The following ZNF783 variants were observed in gnomAD, a reference collection of about 807,000 sequenced individuals.
The protein encoded by ZNF783 is protein ZNF783.
In ZNF783, 25 loss-of-function variants were observed where a neutral mutation model predicts 31.3. That is an observed-to-expected ratio of 0.80 (90% confidence interval 0.58 to 1.11). The LOEUF is 1.11. Among genes scored for constraint, ZNF783 ranks in the 50% most tolerant of loss-of-function variants. The probability of loss-of-function intolerance (pLI) is 0.00; values close to 1 mark genes in which losing one functional copy is unlikely to be tolerated. For synonymous variants in ZNF783, 369 were observed against 319.1 expected, an observed-to-expected ratio of 1.16 and a Z score of -1.66; for missense variants, 797 against 760.0, an observed-to-expected ratio of 1.05 and a Z score of -0.57.
intron 1 of ZNF783, among the ~76,000 whole-genome samples, chr7:149,263,162 C>G (rs1796976087): frequency 6.6e-6 from 1 of 151,816 alleles, no homozygotes; most frequent in South Asian, 2.1e-4. Flanking sequence ...CCCCTGACCT[C>G]GTGATCTGCC....
In ZNF783 at chr7:149,281,524, G is replaced by A. The variant is rs779020314; in HGVS notation, c.822G>A (p.Lys274=). 3 of 1,455,340 alleles carry A rather than the reference G, an allele frequency of 2.1e-6. No homozygotes were observed. Among genetic ancestry groups the A allele is most frequent in the East Asian group, 5.2e-5 (2 of 38,748 alleles). The allele number at this position is 1,455,340 out of a possible 1,614,324, so 90.2% of individuals were successfully genotyped here. A position where few individuals can be genotyped will look rare whatever the true frequency, so the allele number is the denominator to read the frequency against. ...GPEAGGGVAI[K]TEAQSEDEMT... The stretch of plus-strand genomic sequence containing the variant: ...TGCCAGGTGGTGGTGTGGCCATCAA[G>A]ACAGAGGCACAGTCTGAAGACGAGA... The change falls in exon 6 of 6, where the codon AAG becomes AAA. Residue 274 remains lysine, a synonymous_variant. Transcript: ENST00000434415.
Position 149,266,744 on chromosome 7 carries a change from A to T in ZNF783, c.420+14A>T. On this transcript the variant is annotated intron_variant, in intron 2 of 5. Coordinates refer to ENST00000434415, the MANE Select transcript of ZNF783 (RefSeq NM_001195220.2). ...GAGGCCCCCAAGGTAGCACCGGGAC[A>T]CCCTGGGGTGGGGGAGCTCGAGGGG... The T allele has an allele frequency of 6.2e-7, 1 of 1,613,328 alleles. No individual in the cohort carries two copies. Among genetic ancestry groups the T allele is most frequent in the East Asian group, 2.2e-5 (1 of 44,864 alleles).
At chr7:149,264,464 T>C (rs970704264) in intron 1 of ZNF783, among the ~76,000 whole-genome samples, 5 of 151,978 alleles carry the variant, frequency 3.3e-5, no homozygotes, top group Non-Finnish European at 7.4e-5. Context: ...TGGCTCAAGG[T>C]CAAGAGAGGT....
rs1797102550 is a variant in ZNF783, at chr7:149,267,282, A to G, written c.673+60A>G. 15 of 1,525,534 alleles carry G rather than the reference A, an allele frequency of 9.8e-6. No homozygotes were observed. In the South Asian group the frequency reaches 2.0e-4, roughly 20 times the overall value. The allele number at this position is 1,525,534 out of a possible 1,614,324, so 94.5% of individuals were successfully genotyped here. A position where few individuals can be genotyped will look rare whatever the true frequency, so the allele number is the denominator to read the frequency against. On this transcript the variant is annotated intron_variant, in intron 4 of 5. Transcript: ENST00000434415. ...CCAGGGGCTAGCTGCACCATCGCCT[A>G]CCCTCTCGGGCTTCCCAGACAATCA...
In ZNF783 at chr7:149,266,750, G is replaced by T. The variant is rs1797081345; in HGVS notation, c.420+20G>T. On this transcript the variant is annotated intron_variant, in intron 2 of 5. Coordinates refer to ENST00000434415, the MANE Select transcript of ZNF783 (RefSeq NM_001195220.2). ...CCCAAGGTAGCACCGGGACACCCTG[G>T]GGTGGGGGAGCTCGAGGGGCTGAGC... is the stretch of plus-strand genomic sequence containing the variant. 3 of 1,613,480 alleles carry T rather than the reference G, an allele frequency of 1.9e-6. No homozygotes were observed. Among genetic ancestry groups the T allele is most frequent in the Non-Finnish European group, 2.5e-6 (3 of 1,179,762 alleles).
At chr7:149,272,004 G>A (rs1384088411) in intron 4 of ZNF783, among the ~76,000 whole-genome samples, 3 of 152,070 alleles carry the variant, frequency 2.0e-5, no homozygotes, top group African/African-American at 4.8e-5. Context: ...TTTTGCCAAC[G>A]TATCTTTTTT....
At chr7:149,278,779 C>T (rs1433080934) in intron 5 of ZNF783, among the ~76,000 whole-genome samples, 1 of 151,974 alleles carries the variant, frequency 6.6e-6, no homozygotes, top group African/African-American at 2.4e-5. Flanking sequence ...GTGTTGGGGG[C>T]CTGGGCACAT....
At chr7:149,271,183 C>G (rs1797202762) in intron 4 of ZNF783, among the ~76,000 whole-genome samples, 1 of 152,252 alleles carries the variant, frequency 6.6e-6, no homozygotes, top group Admixed American at 6.5e-5. Flanking sequence ...CATGATCTGC[C>G]TGCCTCGGCC....
At chr7:149,279,918 T>C (rs982241851) in intron 5 of ZNF783, among the ~76,000 whole-genome samples, 4 of 152,136 alleles carry the variant, frequency 2.6e-5, no homozygotes, top group Admixed American at 6.5e-5. Flanking sequence ...TTTCCCCACC[T>C]TTCCCCCCTT....
intron 2 of ZNF783, 44 bp from the exon 3 acceptor site, chr7:149,266,775 C>G: frequency 6.2e-7 from 1 of 1,613,680 alleles, no homozygotes; most frequent in Non-Finnish European, 8.5e-7. Context: ...AGGGGCTGAG[C>G]CTGTGAGCGT....
At chr7:149,271,203 G>T (rs1163744543) in intron 4 of ZNF783, among the ~76,000 whole-genome samples, 1 of 152,204 alleles carries the variant, frequency 6.6e-6, no homozygotes, top group Non-Finnish European at 1.5e-5. Context: ...CTTCCAAAGT[G>T]CTGGGATTAC....
chr7:149,275,426 C>T (rs1184295806), intron 4 of ZNF783, among the ~76,000 whole-genome samples: 1 of 151,892 alleles, frequency 6.6e-6, no homozygotes, highest in Non-Finnish European at 1.5e-5. Flanking sequence ...CATTCTCCTG[C>T]CTCAGCCTCC....
At chr7:149,273,765 A>C (rs1280431153) in intron 4 of ZNF783, among the ~76,000 whole-genome samples, 32 of 152,066 alleles carry the variant, frequency 2.1e-4, no homozygotes, top group Admixed American at 2.1e-3. Context: ...GCTGGTCTTG[A>C]ACTCCTGGAC....
In ZNF783 at chr7:149,278,445, C is replaced by T. The variant is rs774512381; in HGVS notation, c.720C>T (p.Ala240=). 1.9e-6 allele frequency: 3 copies of T among 1,599,398 alleles called. No individual in the cohort carries two copies. In the Admixed American group the frequency reaches 5.0e-5, roughly 27 times the overall value. Residue 240 remains alanine, a synonymous_variant, in exon 5 of 6, where the codon GCC becomes GCT. Coordinates refer to ENST00000434415, the MANE Select transcript of ZNF783 (RefSeq NM_001195220.2). ...ACCTCACCAGCCCACTTAGCCCTGC[C>T]CAGGAGGAGCTGAAAGAAGGGCAGG... The part of the protein sequence containing the change: ...PEHLTSPLSP[A]QEELKEGQAP...
intron 5 of ZNF783, among the ~76,000 whole-genome samples, chr7:149,279,851 G>A (rs1797420639): frequency 6.6e-6 from 1 of 151,848 alleles, no homozygotes; most frequent in Admixed American, 6.6e-5. Flanking sequence ...AAAATGAAAA[G>A]TCTCCCATGT....
In ZNF783 at chr7:149,281,848, C is replaced by T; in HGVS notation, c.1146C>T (p.Arg382=). 6.7e-7 allele frequency: 1 copy of T among 1,497,308 alleles called. No individual in the cohort carries two copies. The highest frequency in any genetic ancestry group is 8.8e-7 in the Non-Finnish European group (1 of 1,132,948). The allele number at this position is 1,497,308 out of a possible 1,614,324, so 92.8% of individuals were successfully genotyped here. ...VEEGRQEAPG[R]SPTSCGDSQA... ...AGGGGCGGCAGGAGGCCCCCGGCCG[C>T]TCGCCCACCAGCTGCGGGGACAGCC... Residue 382 remains arginine, a synonymous_variant, in exon 6 of 6, where the codon CGC becomes CGT. Coordinates refer to ENST00000434415, the MANE Select transcript of ZNF783 (RefSeq NM_001195220.2).
intron 4 of ZNF783, chr7:149,276,421 G>A (rs988804293): frequency 1.2e-5 from 12 of 986,546 alleles, no homozygotes; most frequent in Admixed American, 6.1e-5. Context: ...TGAAGCAACC[G>A]TCTTTAGGCT....
chr7:149,278,371 C>T (rs768030488), intron 4 of ZNF783, 28 bp from the exon 5 acceptor site: 4 of 1,598,532 alleles, frequency 2.5e-6, no homozygotes, highest in East Asian at 4.5e-5. Flanking sequence ...CCATGTTGTG[C>T]TCAATGTCAC....
intron 4 of ZNF783, 41 bp from the exon 5 acceptor site, chr7:149,278,358 C>T (rs768904256): frequency 1.0e-5 from 16 of 1,597,260 alleles, no homozygotes; most frequent in Admixed American, 8.4e-5. Context: ...GGGCAGGAGA[C>T]CTCCATGTTG....
Sources: gnomAD v4.1 joint callset for allele counts (sites outside exome capture counted in the v4.1 genomes callset) on GRCh38, gnomAD v4.1.1 for gene constraint, MANE v1.5 for transcripts, NCBI Gene and HGNC (gene_info 2026-07-23, HGNC 2026-07-21) for gene names.